RAPGEF4: variants seen among roughly 807,000 people sequenced by gnomAD.
RAPGEF4 encodes RAP guanine-nucleotide-exchange factor (GEF) 4.
In RAPGEF4, 66 loss-of-function variants were observed where a neutral mutation model predicts 147.9. The ratio of observed to expected loss-of-function variants is 0.45; its 90% CI spans 0.37 to 0.55. The LOEUF (loss-of-function observed/expected upper bound fraction) is 0.55, where lower values mean the gene tolerates loss of function less well. RAPGEF4 is among the 20% of genes least tolerant of loss of function. The pLI, the probability that RAPGEF4 is intolerant of heterozygous loss-of-function variation, is 0.00. For synonymous variants in RAPGEF4, 419 were observed against 442.7 expected (o/e 0.95, Z 0.67); for missense variants, 1,071 against 1,257.3 (o/e 0.85, Z 2.24).
chr2:172,889,005 G>A (rs1206985260), intron 4 of RAPGEF4, among the ~76,000 whole-genome samples: 9 of 152,170 alleles, frequency 5.9e-5, no homozygotes, highest in African/African-American at 1.7e-4. Flanking sequence ...CCTCTTCACC[G>A]AGGGAAAGAC....
chr2:172,983,484 T>G lies in RAPGEF4; in HGVS notation c.1005-12T>G, dbSNP rs977006432. ...TTTTTCCATATTCCTTTTTTTTTTT[T>G]TATCTTTGTAGACCTGGCCAGAGGA... is the stretch of plus-strand genomic sequence containing the variant. On this transcript the variant is annotated splice_polypyrimidine_tract_variant and intron_variant, in intron 10 of 30. Coordinates refer to ENST00000397081, the MANE Select transcript of RAPGEF4 (RefSeq NM_007023.4). 1 of 1,584,598 alleles carries G rather than the reference T, an allele frequency of 6.3e-7. No homozygotes were observed. Among genetic ancestry groups the G allele is most frequent in the Non-Finnish European group, 8.5e-7 (1 of 1,173,122 alleles).
chr2:173,016,261 G>T, intron 18 of RAPGEF4, 88 bp from the exon 19 acceptor site: 1 of 848,268 alleles, frequency 1.2e-6, no homozygotes, highest in South Asian at 1.5e-5. Flanking sequence ...TGAAGCAGAT[G>T]ACATAGGGAC....
chr2:172,776,163 T>G (rs1308513487), intron 1 of RAPGEF4, among the ~76,000 whole-genome samples: 1 of 152,212 alleles, frequency 6.6e-6, no homozygotes, highest in Admixed American at 6.5e-5. Flanking sequence ...TAAATCTGGA[T>G]AGAATCTCAG....
chr2:172,990,774 G>A lies in RAPGEF4; in HGVS notation c.1375-36G>A, dbSNP rs762607159. 39 of 1,494,622 alleles carry A rather than the reference G, an allele frequency of 2.6e-5. No individual in the cohort carries two copies. The Admixed American group carries it at 3.0e-4, about 11-fold the overall frequency. The allele number at this position is 1,494,622 out of a possible 1,614,324, so 92.6% of individuals were successfully genotyped here. A position where few individuals can be genotyped will look rare whatever the true frequency, so the allele number is the denominator to read the frequency against. On this transcript the variant is annotated intron_variant, in intron 14 of 30. Transcript: ENST00000397081. ...AAATTTTTTCATTGTCTGAGTAAGCGGCAGCATCTGTATGTGGTGTAATTT... is the reference window on the plus strand; with the variant it reads ...AAATTTTTTCATTGTCTGAGTAAGCAGCAGCATCTGTATGTGGTGTAATTT...
chr2:172,980,698 T>C (rs930697455), intron 10 of RAPGEF4, among the ~76,000 whole-genome samples: 3 of 152,218 alleles, frequency 2.0e-5, no homozygotes, highest in African/African-American at 7.2e-5. Context: ...AGGTCAGCCT[T>C]GAACCATGAT....
chr2:172,973,835 C>G (rs1690776332), intron 10 of RAPGEF4, among the ~76,000 whole-genome samples: 1 of 152,116 alleles, frequency 6.6e-6, no homozygotes, highest in Non-Finnish European at 1.5e-5. Flanking sequence ...GAAATGACAG[C>G]CTTTGAGATA....
At chr2:172,864,232 G>A (rs1288387310) in intron 4 of RAPGEF4, among the ~76,000 whole-genome samples, 2 of 152,198 alleles carry the variant, frequency 1.3e-5, no homozygotes, top group Non-Finnish European at 2.9e-5. Context: ...AGATACCTGA[G>A]GTAGCTGGGG....
At chr2:172,971,019 A>C (rs989630383) in intron 10 of RAPGEF4, among the ~76,000 whole-genome samples, 5 of 152,110 alleles carry the variant, frequency 3.3e-5, no homozygotes, top group Admixed American at 3.3e-4. Context: ...TATTGTTTTG[A>C]TTTTGCTTTG....
chr2:172,902,879 GA>G (rs1477933224), intron 4 of RAPGEF4, among the ~76,000 whole-genome samples: 1 of 152,146 alleles, frequency 6.6e-6, no homozygotes, highest in African/African-American at 2.4e-5. Context: ...AAACCACACA[GA>G]GCTGTATTAC....
At chr2:173,023,585 C>T (rs896240404) in intron 23 of RAPGEF4, among the ~76,000 whole-genome samples, 1 of 152,168 alleles carries the variant, frequency 6.6e-6, no homozygotes, top group African/African-American at 2.4e-5. Context: ...GGGAGAGAGA[C>T]TTGGTGAGCC....
chr2:172,930,528 C>G (rs1266983576), intron 6 of RAPGEF4, among the ~76,000 whole-genome samples: 1 of 152,146 alleles, frequency 6.6e-6, no homozygotes, highest in African/African-American at 2.4e-5. Flanking sequence ...TTGTTTGCCC[C>G]CCTCTTTTGA....
At chr2:172,902,745 T>C (rs1968290) in intron 4 of RAPGEF4, among the ~76,000 whole-genome samples, 147,410 of 152,268 alleles carry the variant, frequency 0.97, 71,520 homozygotes, top group East Asian at 1. Flanking sequence ...TGGGTGAGAC[T>C]CATAAGAACA....
chr2:172,936,966 A>T (rs1322428078), intron 6 of RAPGEF4, among the ~76,000 whole-genome samples: 1 of 139,518 alleles, frequency 7.2e-6, no homozygotes, highest in Non-Finnish European at 1.5e-5. Flanking sequence ...TTGGGAGGCC[A>T]AGGTAGGAGG....
At chr2:172,995,241 CTGTT>C (rs1386202128) in intron 15 of RAPGEF4, among the ~76,000 whole-genome samples, 2 of 112,818 alleles carry the variant, frequency 1.8e-5, no homozygotes, top group African/African-American at 6.8e-5. Flanking sequence ...TTTTACTTGC[CTGTT>C]TGTGTGTGTG....
chr2:172,952,626 G>T (rs115369352), intron 6 of RAPGEF4, among the ~76,000 whole-genome samples: 2 of 152,160 alleles, frequency 1.3e-5, no homozygotes, highest in Non-Finnish European at 2.9e-5. Flanking sequence ...AAGCCAATTT[G>T]TAAGGAAAAA....
rs560453833 is a variant in RAPGEF4 at position 172,859,659 on chromosome 2, AAG to A, written c.444+45238_444+45239del. 1.8e-4 allele frequency among the ~76,000 whole-genome samples: 27 copies of A among 152,336 alleles called. No homozygotes were observed. In the South Asian group the frequency reaches 5.6e-3, roughly 32 times the overall value. On this transcript the variant is annotated intron_variant, in intron 4 of 30. Coordinates refer to ENST00000397081, the MANE Select transcript of RAPGEF4 (RefSeq NM_007023.4). Reference sequence around the variant, plus strand: ...TAAAACAAATATTGGTGGAAAAAGGAAGAGATTTCTCAGAAAGAGTGCCCTGA... The same window carrying A: ...TAAAACAAATATTGGTGGAAAAAGGAAGATTTCTCAGAAAGAGTGCCCTGA...
intron 1 of RAPGEF4, among the ~76,000 whole-genome samples, chr2:172,770,400 C>G (rs561441484): frequency 2.0e-3 from 300 of 152,250 alleles, no homozygotes; most frequent in Non-Finnish European, 3.7e-3. Context: ...TCCCCATCAG[C>G]AGGGTGATAA....
intron 17 of RAPGEF4, among the ~76,000 whole-genome samples, chr2:173,012,166 C>A: frequency 6.6e-6 from 1 of 152,204 alleles, no homozygotes; most frequent in Non-Finnish European, 1.5e-5. Context: ...CTTTCACAGG[C>A]ACTATCACTT....
At chr2:172,799,330 T>C (rs1230668169) in intron 3 of RAPGEF4, among the ~76,000 whole-genome samples, 1 of 152,074 alleles carries the variant, frequency 6.6e-6, no homozygotes, top group Non-Finnish European at 1.5e-5. Context: ...ATCTAGAAAT[T>C]AGAGAAACCA....
Sources: allele counts gnomAD v4.1 joint callset (sites outside exome capture counted in the v4.1 genomes callset), GRCh38; gene constraint gnomAD v4.1.1; transcripts MANE v1.5; gene names NCBI Gene and HGNC (gene_info 2026-07-23, HGNC 2026-07-21).